RFX1: variants seen among roughly 807,000 people sequenced by gnomAD.
The protein encoded by RFX1 is MHC class II regulatory factor RFX1.
RFX1 carries 42 observed loss-of-function variants against 119.6 expected under a neutral mutation model. The observed-to-expected ratio is 0.35, with a 90% CI of 0.27 to 0.45. RFX1 has a LOEUF of 0.45. Among genes scored for constraint, RFX1 ranks in the 20% least tolerant of loss-of-function variants. RFX1 has a pLI of 1.00. For missense variants in RFX1, 1,118 were observed against 1,368.1 expected (o/e 0.82, Z 2.88); for synonymous variants, 628 against 618.5 (o/e 1.02, Z -0.23).
intron 8 of RFX1, among the ~76,000 whole-genome samples, chr19:13,974,284 G>T (rs2145567112): frequency 6.6e-6 from 1 of 152,316 alleles, no homozygotes; most frequent in South Asian, 2.1e-4. Flanking sequence ...AGACCATCAG[G>T]AATGCAGATA....
chr19:13,985,583 C>T lies in RFX1; in HGVS notation c.320-1988G>A, dbSNP rs1433075154. 6.6e-6 allele frequency among the ~76,000 whole-genome samples: 1 copy of T among 152,232 alleles called. No homozygotes were observed. The highest frequency in any genetic ancestry group is 6.5e-5 in the Admixed American group (1 of 15,278). ...GCACCATCCACCGTGCAGGCCATGA[C>T]GCAGGTTCCCCTCTGGGCCCACACG... On this transcript the variant is annotated intron_variant, in intron 2 of 20. Transcript: ENST00000254325. The surrounding 1 kb of genome is among the most constrained non-coding windows in gnomAD (Gnocchi z 4.3).
In RFX1 at chr19:13,963,528, G is replaced by A. The variant is rs1325255354; in HGVS notation, c.2570+10C>T. The A allele has an allele frequency of 3.1e-6, 5 of 1,598,406 alleles. No individual in the cohort carries two copies. Among genetic ancestry groups the A allele is most frequent in the Non-Finnish European group, 4.2e-6 (5 of 1,176,896 alleles). ...GGTGCCGCCCGGACCCGATCCCGCC[G>A]CGCGCGCACCTGTAGAAGGACCACT... On this transcript the variant is annotated intron_variant, in intron 18 of 20. Transcript: ENST00000254325.
chr19:13,968,794 G>C lies in RFX1; in HGVS notation c.1597C>G (p.Pro533Ala), dbSNP rs759107756. 1.9e-6 allele frequency: 3 copies of C among 1,582,196 alleles called. No individual in the cohort carries two copies. The South Asian group carries it at 3.4e-5, about 18-fold the overall frequency. ...DQQHMAMRGQ[P>A]FSQKQRLKPI... ...TCCTACCTCTGCTTCTGCGAGAAGG[G>C]CTGGCCCCGCATGGCCATGTGCTGC... Residue 533 changes from proline (P) to alanine (A), a missense_variant, in exon 11 of 21, where the codon CCC (proline) becomes GCC (alanine). By Grantham distance (27) the Pro-to-Ala change is conservative. This residue lies in a region of RFX1 where 338 missense variants were observed against 508.9 expected (regional missense o/e 0.66). Transcript: ENST00000254325. The surrounding 1 kb of genome is among the most constrained non-coding windows in gnomAD (Gnocchi z 5.5).
rs1007255834 is a variant in RFX1, at chr19:13,989,833, C to T, written c.319+3692G>A. Among the ~76,000 whole-genome samples the T allele has an allele frequency of 2.7e-5, 4 of 146,802 alleles. No individual in the cohort carries two copies. In the South Asian group the frequency reaches 8.8e-4, roughly 32 times the overall value. The stretch of plus-strand genomic sequence containing the variant: ...CAGACTGTGAGGGCGGAGGCTCGAC[C>T]AGGATTGGGGTCATAGAAGTGGAAG... On this transcript the variant is annotated intron_variant, in intron 2 of 20. Coordinates refer to ENST00000254325, the MANE Select transcript of RFX1 (RefSeq NM_002918.5).
At position 13,980,508 on chromosome 19, in the gene RFX1, G is replaced by A. The variant is rs1974393955; in HGVS notation, c.738+65C>T. On this transcript the variant is annotated intron_variant, in intron 6 of 20. Transcript: ENST00000254325. The surrounding 1 kb of genome is among the most constrained non-coding windows in gnomAD (Gnocchi z 5.1). ...CTAATAGGCCAGAGGCACAGCCGTG[G>A]GGGGCTGCAGAGGCTGCCTGGCCGG... 9.6e-7 allele frequency: 1 copy of A among 1,039,886 alleles called. No homozygotes were observed. The highest frequency in any genetic ancestry group is 1.4e-6 in the Non-Finnish European group (1 of 707,640). 64.4% of individuals were successfully genotyped at this position (1,039,886 alleles called of 1,614,324 possible).
intron 2 of RFX1, among the ~76,000 whole-genome samples, chr19:13,989,756 C>T (rs1043008138): frequency 6.6e-6 from 1 of 152,026 alleles, no homozygotes; most frequent in Non-Finnish European, 1.5e-5. Flanking sequence ...TAGGATGTGA[C>T]GGGACCTAAT....
chr19:13,988,824 C>G (rs1974702606), intron 2 of RFX1, among the ~76,000 whole-genome samples: 1 of 151,940 alleles, frequency 6.6e-6, no homozygotes. Context: ...AGTTTGAGAC[C>G]AGCCTGGCCA....
At chr19:13,979,929 G>A (rs1042307726) in intron 6 of RFX1, among the ~76,000 whole-genome samples, 2 of 152,100 alleles carry the variant, frequency 1.3e-5, no homozygotes, top group Admixed American at 6.6e-5. Flanking sequence ...AGCCAGGGAC[G>A]GAGGCTGGCG....
Position 13,965,931 on chromosome 19 carries a change from C to A in RFX1, c.1962-154G>T, listed in dbSNP as rs889933462. Among the ~76,000 whole-genome samples, 1 of 152,014 alleles carries A rather than the reference C, an allele frequency of 6.6e-6. No individual in the cohort carries two copies. The highest frequency in any genetic ancestry group is 6.5e-5 in the Admixed American group (1 of 15,274). The stretch of plus-strand genomic sequence containing the variant: ...ATCAGAAGGCACAGGTACCCCCTTA[C>A]CCCCACTCCAGGGTCAGTGGGGCAC... On this transcript the variant is annotated intron_variant, in intron 14 of 20. Transcript: ENST00000254325. The surrounding 1 kb of genome is among the most constrained non-coding windows in gnomAD (Gnocchi z 4.7).
At position 13,972,914 on chromosome 19, in the gene RFX1, T is replaced by C; in HGVS notation, c.1143A>G (p.Gly381=). 6.3e-7 allele frequency: 1 copy of C among 1,595,398 alleles called. No homozygotes were observed. The highest frequency in any genetic ancestry group is 8.5e-7 in the Non-Finnish European group (1 of 1,177,734). The change falls in exon 9 of 21, where the codon GGA becomes GGG. Residue 381 remains glycine, a synonymous_variant. Coordinates refer to ENST00000254325, the MANE Select transcript of RFX1 (RefSeq NM_002918.5). ...CGCCGCCACCACCACTGCCACCACC[T>C]CCGCTGCTGTTGCTGGCCCCAGCCC... ...STGAGASNSS[G]GGGSGGGGGG...
intron 1 of RFX1, among the ~76,000 whole-genome samples, chr19:13,996,389 A>T (rs2145631082): frequency 6.6e-6 from 1 of 152,352 alleles, no homozygotes; most frequent in African/African-American, 2.4e-5. Context: ...CCTCTTCTGC[A>T]CTAACACTCA....
intron 2 of RFX1, among the ~76,000 whole-genome samples, chr19:13,984,315 G>A (rs1399991642): frequency 6.6e-6 from 1 of 151,152 alleles, no homozygotes; most frequent in Non-Finnish European, 1.5e-5. Flanking sequence ...AGGGTGTGCA[G>A]GTGGCTTTAT....
At position 13,962,744 on chromosome 19, in the gene RFX1, G is replaced by C; in HGVS notation, c.2891C>G (p.Ala964Gly). Reference protein sequence around the residue: ...PETLEPPAKLARTDARGLFVQ... With the variant: ...PETLEPPAKLGRTDARGLFVQ... ...GAAGAGGCCGCGCGCGTCAGTCCGC[G>C]CCAGCTTGGCCGGCGGCTCCAGGGT... The change falls in exon 21 of 21, where the codon GCG (alanine) becomes GGG (glycine). Residue 964 changes from alanine to glycine, a missense_variant. Physicochemically the swap from Ala to Gly is moderately conservative, Grantham distance 60 (BLOSUM62 0). Transcript: ENST00000254325. 1.3e-6 allele frequency: 2 copies of C among 1,530,448 alleles called. No individual in the cohort carries two copies. Among genetic ancestry groups the C allele is most frequent in the African/African-American group, 1.4e-5 (1 of 72,854 alleles). 94.8% of individuals were successfully genotyped at this position (1,530,448 alleles called of 1,614,324 possible).
At position 13,962,895 on chromosome 19, in the gene RFX1, G is replaced by T. The variant is rs377574659; in HGVS notation, c.2771-31C>A. On this transcript the variant is annotated intron_variant, in intron 20 of 20. Coordinates refer to ENST00000254325, the MANE Select transcript of RFX1 (RefSeq NM_002918.5). The stretch of plus-strand genomic sequence containing the variant: ...ACACAGGGACCAAGTCCGGCTCGGG[G>T]CGGGGTGGCAACGCCCCCGGGCTCC... 8.3e-5 allele frequency: 128 copies of T among 1,537,452 alleles called. No homozygotes were observed. The African/African-American group carries it at 1.7e-3, about 20-fold the overall frequency.
At chr19:13,962,899 G>A (rs918494242) in intron 20 of RFX1, 35 bp from the exon 21 acceptor site, 5 of 1,538,010 alleles carry the variant, frequency 3.3e-6, no homozygotes, top group Non-Finnish European at 3.5e-6. Context: ...CTCGGGGCGG[G>A]GTGGCAACGC....
rs1230572648 is a variant in RFX1, at chr19:13,986,526, T to C, written c.320-2931A>G. ...GGCAGGGCCCCTCCACCACTGGGTC[T>C]GGCCCTCGCTGTGTTTCAGGGAGGA... On this transcript the variant is annotated intron_variant, in intron 2 of 20. Coordinates refer to ENST00000254325, the MANE Select transcript of RFX1 (RefSeq NM_002918.5). The surrounding 1 kb of genome is among the most constrained non-coding windows in gnomAD (Gnocchi z 4.2). Among the ~76,000 whole-genome samples, 2 of 152,132 alleles carry C rather than the reference T, an allele frequency of 1.3e-5. No homozygotes were observed. Among genetic ancestry groups the C allele is most frequent in the Non-Finnish European group, 2.9e-5 (2 of 68,000 alleles).
chr19:14,002,390 C>G (rs1011305280), intron 1 of RFX1, among the ~76,000 whole-genome samples: 2 of 150,776 alleles, frequency 1.3e-5, no homozygotes, highest in Non-Finnish European at 2.9e-5. Flanking sequence ...GAGGCTGAAG[C>G]AGGAGAATTG....
chr19:13,976,905 A>G (rs996184496), intron 8 of RFX1, among the ~76,000 whole-genome samples: 2 of 152,030 alleles, frequency 1.3e-5, no homozygotes, highest in Non-Finnish European at 2.9e-5. Context: ...AGGGAGGCTG[A>G]GGTAAGAGGA....
chr19:13,970,497 C>T (rs1435953109), intron 9 of RFX1, among the ~76,000 whole-genome samples: 2 of 151,440 alleles, frequency 1.3e-5, no homozygotes, highest in Non-Finnish European at 1.5e-5. Flanking sequence ...CCTGTCTCTA[C>T]CAACGAATTT....
Sources: gnomAD v4.1 joint callset for allele counts (sites outside exome capture counted in the v4.1 genomes callset) on GRCh38, gnomAD v4.1.1 for gene constraint, gnomAD v4.1.1 regional missense constraint, Gnocchi (gnomAD v3.1) non-coding constraint, MANE v1.5 for transcripts, NCBI Gene and HGNC (gene_info 2026-07-23, HGNC 2026-07-21) for gene names.